The following RALGPS1 variants were observed in gnomAD, a reference collection of about 807,000 sequenced individuals.
RALGPS1 encodes Ral GEF with PH domain and SH3 binding motif 1, also known as ras-specific guanine nucleotide-releasing factor RalGPS1.
In RALGPS1, 19 loss-of-function variants were observed where a neutral mutation model predicts 78.8. That is an observed-to-expected ratio of 0.24 (90% CI 0.17 to 0.35). The LOEUF (loss-of-function observed/expected upper bound fraction) is 0.35, where lower values mean the gene tolerates loss of function less well. Among genes scored for constraint, RALGPS1 ranks in the 10% least tolerant of loss-of-function variants. RALGPS1 has a pLI of 1.00. For synonymous variants in RALGPS1, 228 were observed against 256.3 expected (o/e 0.89, Z 1.06); for missense variants, 454 against 688.3 (o/e 0.66, Z 3.81).
rs200613481 is a variant in RALGPS1, at chr9:126,928,539, C to CAG, written c.-66+13566_-66+13567dup. Among the ~76,000 whole-genome samples the CAG allele has an allele frequency of 7.1e-3, 1,078 of 152,158 alleles. 11 individuals carry two copies. Among genetic ancestry groups the CAG allele is most frequent in the Non-Finnish European group, 0.012 (798 of 68,014 alleles). ...TAAAGAAATGTTTCAGAATAAGAGG[C>CAG]AGACTGAGCTGTGTTCAAATCCTGC... On this transcript the variant is annotated intron_variant, in intron 1 of 18. Transcript: ENST00000259351.
At chr9:127,124,811 TGAGTG>T (rs959582347) in intron 8 of RALGPS1, among the ~76,000 whole-genome samples, 1 of 152,202 alleles carries the variant, frequency 6.6e-6, no homozygotes, top group African/African-American at 2.4e-5. Flanking sequence ...CATTAGTTAT[TGAGTG>T]GAGACTGGAT....
At chr9:127,146,296 TC>T (rs1440163576) in intron 8 of RALGPS1, among the ~76,000 whole-genome samples, 1 of 152,206 alleles carries the variant, frequency 6.6e-6, no homozygotes, top group Non-Finnish European at 1.5e-5. Context: ...TGCGTTTAGC[TC>T]CTGCTTCTGA....
intron 8 of RALGPS1, among the ~76,000 whole-genome samples, chr9:127,071,678 G>A (rs2050215932): frequency 6.6e-6 from 1 of 151,420 alleles, no homozygotes; most frequent in African/African-American, 2.4e-5. Context: ...TACGTGTTTT[G>A]GTGTGTAATA....
intron 4 of RALGPS1, among the ~76,000 whole-genome samples, chr9:127,017,981 C>T (rs1300027227): frequency 6.6e-6 from 1 of 152,066 alleles, no homozygotes; most frequent in African/African-American, 2.4e-5. Flanking sequence ...CTTTGGGAGG[C>T]CGAGGCAGGT....
At chr9:127,179,767 G>A (rs2060101280) in intron 11 of RALGPS1, among the ~76,000 whole-genome samples, 2 of 152,226 alleles carry the variant, frequency 1.3e-5, no homozygotes, top group South Asian at 4.1e-4. Flanking sequence ...CAAGACCAAT[G>A]TGCCGGGCGG....
intron 7 of RALGPS1, among the ~76,000 whole-genome samples, chr9:127,053,181 T>A (rs1033272956): frequency 6.6e-6 from 1 of 152,206 alleles, no homozygotes; most frequent in African/African-American, 2.4e-5. Flanking sequence ...TGGATCTTCC[T>A]GGACACCACG....
chr9:127,127,875 T>C (rs1360569009), intron 8 of RALGPS1, among the ~76,000 whole-genome samples: 2 of 152,062 alleles, frequency 1.3e-5, no homozygotes, highest in Non-Finnish European at 2.9e-5. Context: ...AAAATTTTGC[T>C]TGTTTTTATT....
chr9:127,013,528 C>T (rs2044543091), intron 4 of RALGPS1, among the ~76,000 whole-genome samples: 1 of 152,108 alleles, frequency 6.6e-6, no homozygotes, highest in African/African-American at 2.4e-5. Flanking sequence ...GTCCCCACAC[C>T]CTATCTTCCC....
intron 10 of RALGPS1, among the ~76,000 whole-genome samples, chr9:127,169,975 C>T (rs1036184420): frequency 2.0e-5 from 3 of 152,144 alleles, no homozygotes; most frequent in Non-Finnish European, 2.9e-5. Flanking sequence ...GTATCCCCGT[C>T]GTAAGTTGAG....
At chr9:126,996,602 T>C (rs949460288) in intron 4 of RALGPS1, among the ~76,000 whole-genome samples, 2 of 152,060 alleles carry the variant, frequency 1.3e-5, no homozygotes, top group African/African-American at 4.8e-5. Context: ...CTACCAGAGG[T>C]ACAAAGAGGA....
chr9:126,951,019 A>G (rs2037762811), intron 1 of RALGPS1, among the ~76,000 whole-genome samples: 1 of 152,252 alleles, frequency 6.6e-6, no homozygotes, highest in African/African-American at 2.4e-5. Context: ...ACAAGCTACC[A>G]TCAGAGAATA....
chr9:127,081,238 T>A (rs10987557), intron 8 of RALGPS1, among the ~76,000 whole-genome samples: 15 of 152,310 alleles, frequency 9.8e-5, no homozygotes, highest in East Asian at 9.6e-4. Context: ...CATTTTTTTT[T>A]AAATATACAT....
Position 127,220,244 on chromosome 9 carries a change from A to T in RALGPS1, c.*1475A>T, listed in dbSNP as rs907953061. ...GATGGTTTCAGAGCTCAGACTGATCAGGCATCAAGCTACCCTCAAGAGTTT... is the reference window on the plus strand; with the variant it reads ...GATGGTTTCAGAGCTCAGACTGATCTGGCATCAAGCTACCCTCAAGAGTTT... On this transcript the variant is annotated 3_prime_UTR_variant, in exon 19 of 19. Coordinates refer to ENST00000259351, the MANE Select transcript of RALGPS1 (RefSeq NM_014636.3). 3.3e-5 allele frequency: 5 copies of T among 152,220 alleles called. No homozygotes were observed. The highest frequency in any genetic ancestry group is 1.2e-4 in the African/African-American group (5 of 41,460). The allele number at this position is 152,220 out of a possible 1,614,324, so 9.4% of individuals were successfully genotyped here.
intron 8 of RALGPS1, among the ~76,000 whole-genome samples, chr9:127,158,697 T>C (rs912319057): frequency 4.6e-5 from 7 of 152,128 alleles, no homozygotes; most frequent in African/African-American, 1.7e-4. Context: ...TAGTTCTATA[T>C]AATGAATACT....
chr9:126,937,078 G>T (rs989872144), intron 1 of RALGPS1, among the ~76,000 whole-genome samples: 7 of 152,116 alleles, frequency 4.6e-5, no homozygotes, highest in African/African-American at 1.7e-4. Context: ...TTGAACTCCT[G>T]ACCTCAGGTG....
intron 4 of RALGPS1, among the ~76,000 whole-genome samples, chr9:127,032,105 A>C (rs1179569110): frequency 6.6e-6 from 1 of 152,222 alleles, no homozygotes; most frequent in African/African-American, 2.4e-5. Context: ...ACCTTTATCA[A>C]GTACCTGTCA....
In RALGPS1 at chr9:127,001,086, T is replaced by TACAAAACAAAACAAA. The variant is rs60748253; in HGVS notation, c.216+23379_216+23393dup. On this transcript the variant is annotated intron_variant, in intron 4 of 18. Coordinates refer to ENST00000259351, the MANE Select transcript of RALGPS1 (RefSeq NM_014636.3). ...GCCTAACATAGTGAGACTCTGTCTCTACAAAACAAAACAAAACAAAACAAA... is the reference window on the plus strand; with the variant it reads ...GCCTAACATAGTGAGACTCTGTCTCTACAAAACAAAACAAAACAAAACAAAACAAAACAAAACAAA... Among the ~76,000 whole-genome samples the TACAAAACAAAACAAA allele has an allele frequency of 2.0e-3, 274 of 137,712 alleles. 2 individuals carry two copies. Among genetic ancestry groups the TACAAAACAAAACAAA allele is most frequent in the Non-Finnish European group, 2.3e-3 (145 of 64,046 alleles). 90.3% of individuals were successfully genotyped at this position (137,712 alleles called of 152,430 possible).
chr9:126,917,007 C>T (rs1484035474), intron 1 of RALGPS1, among the ~76,000 whole-genome samples: 1 of 152,152 alleles, frequency 6.6e-6, no homozygotes, highest in Non-Finnish European at 1.5e-5. Flanking sequence ...GTTGCATGGA[C>T]AGAAGTGAAG....
chr9:127,042,822 A>C (rs2047434450), intron 5 of RALGPS1, among the ~76,000 whole-genome samples: 1 of 152,224 alleles, frequency 6.6e-6, no homozygotes, highest in African/African-American at 2.4e-5. Flanking sequence ...GAGTAAGCAG[A>C]GTTGCAGGAC....
Sources: gnomAD v4.1 joint callset for allele counts (sites outside exome capture counted in the v4.1 genomes callset) on GRCh38, gnomAD v4.1.1 for gene constraint, MANE v1.5 for transcripts, NCBI Gene and HGNC (gene_info 2026-07-23, HGNC 2026-07-21) for gene names.